Variants in NCEH1 observed in about 807,000 individuals in gnomAD.
NCEH1 encodes the protein neutral cholesterol ester hydrolase 1, also known as 2-acetyl MAGE hydrolase.
In NCEH1, 9 loss-of-function variants were observed where a neutral mutation model predicts 25.4. The ratio of observed to expected loss-of-function variants is 0.35; its 90% CI spans 0.21 to 0.62. The LOEUF is 0.62. Among genes scored for constraint, NCEH1 ranks in the 20% least tolerant of loss-of-function variants. The pLI is 0.72. For missense variants in NCEH1, 412 were observed against 501.1 expected (o/e 0.82, Z 1.70); for synonymous variants, 200 against 199.8 (o/e 1.00, Z -0.01).
chr3:172,690,805 A>G (rs1712992030), intron 1 of NCEH1, among the ~76,000 whole-genome samples: 1 of 152,334 alleles, frequency 6.6e-6, no homozygotes, highest in East Asian at 1.9e-4. Flanking sequence ...CCTAACAAAA[A>G]CAAAACATAC....
chr3:172,636,211 T>C (rs1300456211), intron 3 of NCEH1, 124 bp from the exon 4 acceptor site: 3 of 548,462 alleles, frequency 5.5e-6, no homozygotes, highest in Non-Finnish European at 9.5e-6. Flanking sequence ...ATGGAATTAT[T>C]GTATGAAAAA....
intron 1 of NCEH1, among the ~76,000 whole-genome samples, chr3:172,691,567 G>A (rs1332865029): frequency 6.6e-6 from 1 of 152,308 alleles, no homozygotes; most frequent in East Asian, 1.9e-4. Flanking sequence ...CCCCTCCAGA[G>A]CTTTCAGCCA....
In NCEH1 at chr3:172,692,320, T is replaced by C. The variant is rs144732214; in HGVS notation, c.138+18527A>G. Among the ~76,000 whole-genome samples, 323 of 152,306 alleles carry C rather than the reference T, an allele frequency of 2.1e-3. 1 individual carries two copies. Among genetic ancestry groups the C allele is most frequent in the African/African-American group, 7.4e-3 (308 of 41,574 alleles). The stretch of plus-strand genomic sequence containing the variant: ...TTGGCCACCAGGAGTTAAATGCTAC[T>C]GTAAGGTTCGTAATGGAATATTTTT... On this transcript the variant is annotated intron_variant, in intron 1 of 4. Coordinates refer to ENST00000475381, the MANE Select transcript of NCEH1 (RefSeq NM_020792.6).
chr3:172,647,977 G>A lies in NCEH1; in HGVS notation c.276C>T (p.Val92=). 2 of 1,614,176 alleles carry A rather than the reference G, an allele frequency of 1.2e-6. No individual in the cohort carries two copies. Among genetic ancestry groups the A allele is most frequent in the Non-Finnish European group, 1.7e-6 (2 of 1,180,042 alleles). The change falls in exon 2 of 5, where the codon GTC becomes GTT. Residue 92 remains valine, a synonymous_variant. Transcript: ENST00000475381. ...GCTTCGGAGGGCCTTCAAACACTCT[G>A]ACTTCCACACCATCAAAGTCTGTGT... ...VTDTDFDGVE[V]RVFEGPPKPE... is the part of the protein sequence containing the mutation.
At chr3:172,671,980 T>G (rs1046780010) in intron 1 of NCEH1, among the ~76,000 whole-genome samples, 2 of 152,232 alleles carry the variant, frequency 1.3e-5, no homozygotes, top group African/African-American at 4.8e-5. Context: ...CCTACAGTAA[T>G]GCATAGTAAT....
At chr3:172,675,836 CTCTAAGTCAGTTATGG>C (rs1240494232) in intron 1 of NCEH1, among the ~76,000 whole-genome samples, 1 of 152,136 alleles carries the variant, frequency 6.6e-6, no homozygotes, top group African/African-American at 2.4e-5. Context: ...AGGTACCAAA[CTCTAAGTCAGTTATGG>C]TCTACAGGAC....
At chr3:172,685,826 CTT>C (rs1712666597) in intron 1 of NCEH1, among the ~76,000 whole-genome samples, 2 of 152,250 alleles carry the variant, frequency 1.3e-5, no homozygotes, top group Admixed American at 1.3e-4. Context: ...TCTGACCTCT[CTT>C]TGACATCTCT....
intron 1 of NCEH1, among the ~76,000 whole-genome samples, chr3:172,686,818 T>G (rs1254206909): frequency 6.6e-6 from 1 of 152,214 alleles, no homozygotes; most frequent in Non-Finnish European, 1.5e-5. Context: ...TCCTATTGTC[T>G]TTCTCACACC....
At chr3:172,679,531 T>A (rs1712223119) in intron 1 of NCEH1, among the ~76,000 whole-genome samples, 1 of 151,976 alleles carries the variant, frequency 6.6e-6, no homozygotes, top group African/African-American at 2.4e-5. Context: ...CACTAATTCA[T>A]TCAGCAAACA....
intron 1 of NCEH1, among the ~76,000 whole-genome samples, chr3:172,698,857 C>T (rs1207127373): frequency 2.6e-5 from 4 of 152,220 alleles, no homozygotes; most frequent in Non-Finnish European, 5.9e-5. Context: ...AAGCACAGGG[C>T]CTGCCCCTTG....
intron 2 of NCEH1, 73 bp from the exon 3 acceptor site, chr3:172,645,765 T>C: frequency 2.3e-6 from 2 of 888,766 alleles, no homozygotes; most frequent in East Asian, 2.8e-5. Context: ...TTCTGCTAAG[T>C]GTGAATTGTT....
chr3:172,645,518 G>A (rs890101072), intron 3 of NCEH1, 105 bp downstream of exon 3: 2 of 653,666 alleles, frequency 3.1e-6, no homozygotes, highest in Non-Finnish European at 5.3e-6. Context: ...TTGCCAACTT[G>A]AGACCTTTAT....
intron 1 of NCEH1, among the ~76,000 whole-genome samples, chr3:172,700,768 G>GCCCT (rs1560209665): frequency 6.6e-6 from 1 of 152,018 alleles, no homozygotes; most frequent in Non-Finnish European, 1.5e-5. Flanking sequence ...ACCGTGCCTG[G>GCCCT]CCCTGATCAT....
chr3:172,659,546 G>C (rs564862908), intron 1 of NCEH1, among the ~76,000 whole-genome samples: 36 of 152,228 alleles, frequency 2.4e-4, no homozygotes, highest in African/African-American at 8.7e-4. Context: ...TGAGTGGCCC[G>C]GTCCCCTAGC....
rs1392221282 is a variant in NCEH1 at position 172,633,860 on chromosome 3, G to A, written c.842C>T (p.Ala281Val). Residue 281 changes from alanine to valine, a missense_variant, in exon 5 of 5, where the codon GCT (alanine) becomes GTT (valine). By Grantham distance (64) the Ala-to-Val change is moderately conservative (BLOSUM62 0). Around this residue, in one of 3 missense-constraint regions of NCEH1, gnomAD observed 210 missense variants for 258.2 expected, o/e 0.81. Transcript: ENST00000475381. Reference sequence around the variant, plus strand: ...TGTCCAGTTTAGACGGGCCCTGACAGCAGCAGCCTCTTCCACATCAAGTGA... The same window carrying A: ...TGTCCAGTTTAGACGGGCCCTGACAACAGCAGCCTCTTCCACATCAAGTGA... Reference protein sequence around the residue: ...HTSLDVEEAAAVRARLNWTSL... With the variant: ...HTSLDVEEAAVVRARLNWTSL... 5 of 1,614,092 alleles carry A rather than the reference G, an allele frequency of 3.1e-6. No homozygotes were observed. The highest frequency in any genetic ancestry group is 4.2e-6 in the Non-Finnish European group (5 of 1,180,042).
At position 172,648,124 on chromosome 3, in the gene NCEH1, G is replaced by C. The variant is rs201813311; in HGVS notation, c.139-10C>G. On this transcript the variant is annotated splice_polypyrimidine_tract_variant and intron_variant, in intron 1 of 4. Coordinates refer to ENST00000475381, the MANE Select transcript of NCEH1 (RefSeq NM_020792.6). Reference sequence around the variant, plus strand: ...AGTGGATCAGGTTACTCTGCAGGGCGAGGGAGGAAATAAAGAGGGAGGGCG... The same window carrying C: ...AGTGGATCAGGTTACTCTGCAGGGCCAGGGAGGAAATAAAGAGGGAGGGCG... 8.7e-6 allele frequency: 14 copies of C among 1,613,766 alleles called. No homozygotes were observed. The highest frequency in any genetic ancestry group is 1.2e-5 in the Non-Finnish European group (14 of 1,179,706).
chr3:172,650,642 C>T (rs1717351664), intron 1 of NCEH1, among the ~76,000 whole-genome samples: 1 of 131,102 alleles, frequency 7.6e-6, no homozygotes, highest in Non-Finnish European at 1.6e-5. Context: ...GAGTGAGACT[C>T]CGTCTCAAAA....
chr3:172,691,221 C>T (rs535077611), intron 1 of NCEH1, among the ~76,000 whole-genome samples: 2 of 152,296 alleles, frequency 1.3e-5, no homozygotes, highest in East Asian at 3.9e-4. Context: ...CCAGTCCATC[C>T]TTCAGTATCC....
intron 1 of NCEH1, among the ~76,000 whole-genome samples, chr3:172,694,657 C>T (rs1713261447): frequency 6.6e-6 from 1 of 152,126 alleles, no homozygotes; most frequent in Admixed American, 6.5e-5. Context: ...ACTTGTGGGG[C>T]CCTGACAGGC....
Sources: gnomAD v4.1 joint callset for allele counts (sites outside exome capture counted in the v4.1 genomes callset) on GRCh38, gnomAD v4.1.1 for gene constraint, gnomAD v4.1.1 regional missense constraint, MANE v1.5 for transcripts, NCBI Gene and HGNC (gene_info 2026-07-23, HGNC 2026-07-21) for gene names.